Variants in CSMD3 observed in about 807,000 individuals in gnomAD.
CSMD3 encodes CUB and Sushi multiple domains 3.
Under a neutral mutation model 435.2 loss-of-function variants are expected in CSMD3, and 177 were observed. The ratio of observed to expected loss-of-function variants is 0.41; its 90% CI spans 0.36 to 0.46. The LOEUF is 0.46. Among genes scored for constraint, CSMD3 ranks in the 20% least tolerant of loss-of-function variants. The probability of loss-of-function intolerance (pLI) is 0.34; values close to 1 mark genes in which losing one functional copy is unlikely to be tolerated. For synonymous variants in CSMD3, 1,656 were observed against 1,520.5 expected, an observed-to-expected ratio of 1.09 and a Z score of -2.07; for missense variants, 4,265 against 4,504.6, an observed-to-expected ratio of 0.95 and a Z score of 1.52.
chr8:113,225,234 T>C (rs1036205870), intron 3 of CSMD3, among the ~76,000 whole-genome samples: 1 of 151,518 alleles, frequency 6.6e-6, no homozygotes, highest in Admixed American at 6.6e-5. Flanking sequence ...CATTGAAGTA[T>C]CATTTTGGTG....
intron 2 of CSMD3, among the ~76,000 whole-genome samples, chr8:113,306,519 T>C (rs994361429): frequency 1.3e-5 from 2 of 152,134 alleles, no homozygotes; most frequent in South Asian, 2.1e-4. Context: ...ATAATTTTCA[T>C]GGAAAGTCAT....
intron 65 of CSMD3, among the ~76,000 whole-genome samples, chr8:112,243,316 G>A (rs534093300): frequency 6.6e-6 from 1 of 152,076 alleles, no homozygotes; most frequent in Non-Finnish European, 1.5e-5. Context: ...GAAAGTAATT[G>A]TCATTTATGA....
At chr8:112,718,548 G>T (rs2076786847) in intron 13 of CSMD3, among the ~76,000 whole-genome samples, 1 of 149,968 alleles carries the variant, frequency 6.7e-6, no homozygotes. Context: ...CATAAAGGAT[G>T]ATAGTAATAT....
chr8:112,997,721 T>C (rs1347783559), intron 6 of CSMD3, among the ~76,000 whole-genome samples: 2 of 151,610 alleles, frequency 1.3e-5, no homozygotes, highest in South Asian at 2.1e-4. Context: ...AAATCTCTCC[T>C]ATTAATTTGG....
chr8:113,354,317 T>TA (rs2094207841), intron 1 of CSMD3, among the ~76,000 whole-genome samples: 1 of 152,174 alleles, frequency 6.6e-6, no homozygotes, highest in Non-Finnish European at 1.5e-5. Context: ...TAAAAGTATA[T>TA]AAAAAGTCAG....
intron 37 of CSMD3, 59 bp downstream of exon 37, chr8:112,383,508 A>C (rs1261260068): frequency 1.0e-6 from 1 of 992,554 alleles, no homozygotes; most frequent in Admixed American, 1.8e-5. Context: ...TAGCTCTTTA[A>C]TTTTTTTTAT....
At chr8:112,497,773 C>T (rs2130885113) in intron 30 of CSMD3, among the ~76,000 whole-genome samples, 1 of 151,866 alleles carries the variant, frequency 6.6e-6, no homozygotes, top group Admixed American at 6.6e-5. Flanking sequence ...CCTTAAGAAA[C>T]TGGACAATTA....
intron 13 of CSMD3, among the ~76,000 whole-genome samples, chr8:112,695,557 A>C (rs2076233072): frequency 6.6e-6 from 1 of 152,120 alleles, no homozygotes; most frequent in African/African-American, 2.4e-5. Context: ...ACTCTCAATA[A>C]ATTATGTATT....
At chr8:112,914,634 T>C (rs1376590038) in intron 10 of CSMD3, among the ~76,000 whole-genome samples, 3 of 151,662 alleles carry the variant, frequency 2.0e-5, no homozygotes, top group Non-Finnish European at 2.9e-5. Flanking sequence ...ATTTAAAGGA[T>C]AAAAGTTTAT....
At chr8:113,165,017 T>A (rs1026867746) in intron 4 of CSMD3, among the ~76,000 whole-genome samples, 1 of 152,134 alleles carries the variant, frequency 6.6e-6, no homozygotes, top group Non-Finnish European at 1.5e-5. Context: ...AGCAAAAGAA[T>A]ACCAGATGGT....
At position 113,221,483 on chromosome 8, in the gene CSMD3, A is replaced by G. The variant is rs2092966071; in HGVS notation, c.515-47567T>C. On this transcript the variant is annotated intron_variant, in intron 3 of 70. Transcript: ENST00000297405. Reference sequence around the variant, plus strand: ...ACATGGTTATTTTTTTCATGTTTTTATTTTTGCCATTTTTCTGTAAGTTTG... The same window carrying G: ...ACATGGTTATTTTTTTCATGTTTTTGTTTTTGCCATTTTTCTGTAAGTTTG... Among the ~76,000 whole-genome samples the G allele has an allele frequency of 5.3e-5, 8 of 151,052 alleles. No individual in the cohort carries two copies. The South Asian group carries it at 1.7e-3, about 31-fold the overall frequency.
intron 1 of CSMD3, among the ~76,000 whole-genome samples, chr8:113,354,103 C>T (rs543391427): frequency 6.6e-6 from 1 of 152,200 alleles, no homozygotes; most frequent in Admixed American, 6.5e-5. Flanking sequence ...GAATGACCGA[C>T]CATTGCATGT....
chr8:113,097,102 T>C (rs1196476127), intron 5 of CSMD3, among the ~76,000 whole-genome samples: 1 of 152,068 alleles, frequency 6.6e-6, no homozygotes, highest in Non-Finnish European at 1.5e-5. Flanking sequence ...AGGTTTCTCT[T>C]AATTCTGATA....
At chr8:112,278,077 C>CTTGGGACTG (rs1434457155) in intron 59 of CSMD3, among the ~76,000 whole-genome samples, 1 of 152,206 alleles carries the variant, frequency 6.6e-6, no homozygotes, top group Non-Finnish European at 1.5e-5. Context: ...GGGACATCTT[C>CTTGGGACTG]AGCCTTGTGG....
chr8:112,626,433 C>T (rs1834479704), intron 22 of CSMD3, among the ~76,000 whole-genome samples: 1 of 151,982 alleles, frequency 6.6e-6, no homozygotes, highest in Non-Finnish European at 1.5e-5. Flanking sequence ...TAGAAATCAG[C>T]CTCTGTATTA....
chr8:112,979,103 G>A (rs924576237), intron 6 of CSMD3, among the ~76,000 whole-genome samples: 2 of 151,836 alleles, frequency 1.3e-5, no homozygotes, highest in Non-Finnish European at 2.9e-5. Context: ...GGAATCTGAA[G>A]ATTAAGTTGC....
chr8:113,273,291 TA>T (rs565549415), intron 3 of CSMD3, among the ~76,000 whole-genome samples: 15 of 151,248 alleles, frequency 9.9e-5, no homozygotes, highest in South Asian at 2.1e-4. Context: ...TTGAATACAT[TA>T]AAAAAAAACC....
At chr8:113,099,469 G>C (rs1220576559) in intron 4 of CSMD3, among the ~76,000 whole-genome samples, 1 of 152,004 alleles carries the variant, frequency 6.6e-6, no homozygotes, top group African/African-American at 2.4e-5. Flanking sequence ...AAAAACGTTT[G>C]TAGAAATACA....
At position 113,314,777 on chromosome 8, in the gene CSMD3, A is replaced by G; in HGVS notation, c.195T>C (p.Cys65=). The G allele has an allele frequency of 6.2e-7, 1 of 1,605,094 alleles. No individual in the cohort carries two copies. The highest frequency in any genetic ancestry group is 1.1e-5 in the South Asian group (1 of 90,898). The change falls in exon 2 of 71, where the codon TGT becomes TGC. Residue 65 remains cysteine (C), a synonymous_variant. Coordinates refer to ENST00000297405, the MANE Select transcript of CSMD3 (RefSeq NM_198123.2). ...CATTAAGTCCTTTTAAAGTTCCACC[A>G]CATGTATAAATAAATCCTGCAACAA... The part of the protein sequence containing the change: ...VSCVKGFIYT[C]GGTLKGLNGT...
Sources: gnomAD v4.1 joint callset for allele counts (sites outside exome capture counted in the v4.1 genomes callset) on GRCh38, gnomAD v4.1.1 for gene constraint, MANE v1.5 for transcripts, NCBI Gene and HGNC (gene_info 2026-07-23, HGNC 2026-07-21) for gene names.